The following ATRNL1 variants were observed in gnomAD, a reference collection of about 807,000 sequenced individuals.
ATRNL1 encodes attractin like 1.
Under a neutral mutation model 182.7 loss-of-function variants are expected in ATRNL1, and 95 were observed. The observed-to-expected ratio is 0.52, with a 90% confidence interval of 0.44 to 0.62. The LOEUF (loss-of-function observed/expected upper bound fraction) is 0.62. Ranked by LOEUF, ATRNL1 falls within the 20% of genes least tolerant of loss-of-function variation. The pLI is 0.00. For missense variants in ATRNL1, 1,471 were observed against 1,679.5 expected, an observed-to-expected ratio of 0.88 and a Z score of 2.17; for synonymous variants, 576 against 568.3, an observed-to-expected ratio of 1.01 and a Z score of -0.19.
Position 115,598,434 on chromosome 10 carries a change from G to A in ATRNL1, c.3795+48898G>A, listed in dbSNP as rs189365556. On this transcript the variant is annotated intron_variant, in intron 26 of 28. Coordinates refer to ENST00000355044, the MANE Select transcript of ATRNL1 (RefSeq NM_207303.4). ...GCTGGGGTGCAGAGGCGTGATCTCG[G>A]CTCACTGCAACCTCCGCCTCCCAGG... Among the ~76,000 whole-genome samples the A allele has an allele frequency of 2.6e-3, 385 of 150,872 alleles. 1 individual carries two copies. The highest frequency in any genetic ancestry group is 9.0e-3 in the African/African-American group (371 of 41,024).
intron 28 of ATRNL1, among the ~76,000 whole-genome samples, chr10:115,875,518 C>T (rs561226584): frequency 6.6e-6 from 1 of 152,270 alleles, no homozygotes; most frequent in African/African-American, 2.4e-5. Context: ...CAAACTAAGA[C>T]ATCAGTCTCT....
At chr10:115,287,503 ATTG>A in intron 15 of ATRNL1, among the ~76,000 whole-genome samples, 1 of 19,480 alleles carries the variant, frequency 5.1e-5, no homozygotes, top group Admixed American at 1.0e-3. Context: ...ATTGAAACTG[ATTG>A]TGGAAAAATG....
At chr10:115,190,735 A>G (rs929234029) in intron 8 of ATRNL1, among the ~76,000 whole-genome samples, 3 of 152,062 alleles carry the variant, frequency 2.0e-5, no homozygotes, top group African/African-American at 7.2e-5. Flanking sequence ...CTACTTGTTT[A>G]GTTATTTATT....
chr10:115,703,209 G>A (rs1199001037), intron 26 of ATRNL1, among the ~76,000 whole-genome samples: 3 of 152,078 alleles, frequency 2.0e-5, no homozygotes, highest in Admixed American at 6.6e-5. Flanking sequence ...CTAACCATAT[G>A]CAGAAGAATG....
chr10:115,938,111 A>G lies in ATRNL1; in HGVS notation c.4019-6547A>G, dbSNP rs187445939. On this transcript the variant is annotated intron_variant, in intron 28 of 28. Coordinates refer to ENST00000355044, the MANE Select transcript of ATRNL1 (RefSeq NM_207303.4). ...TAAAATGGAAGTGCTATGTTTGTAT[A>G]TAAAGCGGGAATGTTCTTTCCAAGG... Among the ~76,000 whole-genome samples the G allele has an allele frequency of 2.0e-4, 30 of 152,358 alleles. No individual in the cohort carries two copies. In the East Asian group the frequency reaches 5.6e-3, roughly 28 times the overall value.
intron 19 of ATRNL1, among the ~76,000 whole-genome samples, chr10:115,366,775 T>C (rs1432417555): frequency 3.3e-5 from 5 of 151,246 alleles, no homozygotes; most frequent in African/African-American, 7.3e-5. Flanking sequence ...CCTTCACTTA[T>C]GAAGCTTAGT....
Position 115,945,840 on chromosome 10 carries a change from A to T in ATRNL1, c.*1061A>T, listed in dbSNP as rs1555125547. On this transcript the variant is annotated 3_prime_UTR_variant, in exon 29 of 29. Transcript: ENST00000355044. ...TAGAGAAGAGCACTGGCTGGCAAGC[A>T]TCAACAGGAGTCTTCTTCCCAACAC... The T allele has an allele frequency of 6.6e-6, 1 of 152,198 alleles. No homozygotes were observed. Among genetic ancestry groups the T allele is most frequent in the Non-Finnish European group, 1.5e-5 (1 of 68,048 alleles). The allele number at this position is 152,198 out of a possible 1,614,324, so 9.4% of individuals were successfully genotyped here. A position where few individuals can be genotyped will look rare whatever the true frequency, so the allele number is the denominator to read the frequency against.
chr10:115,173,223 A>G (rs183257210), intron 8 of ATRNL1, among the ~76,000 whole-genome samples: 113 of 152,092 alleles, frequency 7.4e-4, no homozygotes, highest in Non-Finnish European at 1.4e-3. Context: ...AGTTATTCCA[A>G]CTTTTGAAAT....
At chr10:115,523,706 G>A (rs1307774925) in intron 25 of ATRNL1, among the ~76,000 whole-genome samples, 1 of 152,122 alleles carries the variant, frequency 6.6e-6, no homozygotes, top group Non-Finnish European at 1.5e-5. Context: ...CCTCAACATG[G>A]CCTTTACTGT....
intron 28 of ATRNL1, among the ~76,000 whole-genome samples, chr10:115,912,292 G>T (rs1952704683): frequency 6.6e-6 from 1 of 152,074 alleles, no homozygotes; most frequent in Non-Finnish European, 1.5e-5. Flanking sequence ...ATACAAAGGA[G>T]CACTTGATAA....
At chr10:115,697,703 T>G (rs1946608544) in intron 26 of ATRNL1, among the ~76,000 whole-genome samples, 1 of 152,182 alleles carries the variant, frequency 6.6e-6, no homozygotes, top group Non-Finnish European at 1.5e-5. Flanking sequence ...AATGTAAATG[T>G]TATGACATGT....
chr10:115,524,243 A>G (rs1055862283), intron 25 of ATRNL1, among the ~76,000 whole-genome samples: 1 of 152,216 alleles, frequency 6.6e-6, no homozygotes, highest in African/African-American at 2.4e-5. Context: ...TTGAGTATCA[A>G]ATTTTAACAT....
chr10:115,775,428 A>C (rs1343364219), intron 27 of ATRNL1, among the ~76,000 whole-genome samples: 1 of 152,228 alleles, frequency 6.6e-6, no homozygotes, highest in African/African-American at 2.4e-5. Context: ...TTCTTCAATC[A>C]GAAAATATTG....
chr10:115,806,492 G>C (rs564912606), intron 27 of ATRNL1, among the ~76,000 whole-genome samples: 116 of 152,216 alleles, frequency 7.6e-4, no homozygotes, highest in African/African-American at 2.6e-3. Context: ...ATATGCTACA[G>C]TTGCAAGTCA....
intron 19 of ATRNL1, among the ~76,000 whole-genome samples, chr10:115,336,989 G>GC (rs1554936900): frequency 7.1e-6 from 1 of 141,648 alleles, no homozygotes; most frequent in Non-Finnish European, 1.5e-5. Context: ...GGGGGGGGGG[G>GC]ACTACAGGGG....
chr10:115,548,493 T>C (rs1268075894), intron 25 of ATRNL1, among the ~76,000 whole-genome samples: 1 of 152,174 alleles, frequency 6.6e-6, no homozygotes, highest in Non-Finnish European at 1.5e-5. Flanking sequence ...ACCAGCGAAT[T>C]TGTAGTGTCC....
At chr10:115,094,366 C>G (rs1232869630) in intron 1 of ATRNL1, among the ~76,000 whole-genome samples, 1 of 152,208 alleles carries the variant, frequency 6.6e-6, no homozygotes. Context: ...TGATGCCCAG[C>G]ACCATTTTCT....
chr10:115,764,554 A>G (rs560642509), intron 27 of ATRNL1, among the ~76,000 whole-genome samples: 2 of 152,278 alleles, frequency 1.3e-5, no homozygotes, highest in African/African-American at 2.4e-5. Flanking sequence ...AGAATGTAAT[A>G]TAGTTTGAAT....
intron 27 of ATRNL1, among the ~76,000 whole-genome samples, chr10:115,794,497 A>G (rs1284409635): frequency 1.3e-5 from 2 of 152,208 alleles, no homozygotes; most frequent in Admixed American, 6.5e-5. Context: ...TAGTTTCCTC[A>G]GTATACAACA....
Sources: gnomAD v4.1 joint callset for allele counts (sites outside exome capture counted in the v4.1 genomes callset) on GRCh38, gnomAD v4.1.1 for gene constraint, MANE v1.5 for transcripts, NCBI Gene and HGNC (gene_info 2026-07-23, HGNC 2026-07-21) for gene names.